Variants in RAB2A observed in about 807,000 individuals in gnomAD.
RAB2A encodes the protein RAB2A, member RAS oncogene family.
A neutral mutation model predicts 32.5 loss-of-function variants in RAB2A; 7 were observed. The ratio of observed to expected loss-of-function variants is 0.22; its 90% CI spans 0.12 to 0.40. The LOEUF is 0.40. Ranked by LOEUF, RAB2A falls within the 10% of genes least tolerant of loss-of-function variation. The pLI, the probability that RAB2A is intolerant of heterozygous loss-of-function variation, is 1.00. For missense variants in RAB2A, 108 were observed against 260.7 expected (o/e 0.41, Z 4.03); for synonymous variants, 79 against 85.2 (o/e 0.93, Z 0.40).
intron 1 of RAB2A, among the ~76,000 whole-genome samples, chr8:60,522,784 G>A (rs1807321285): frequency 6.6e-6 from 1 of 152,084 alleles, no homozygotes; most frequent in Admixed American, 6.6e-5. Flanking sequence ...GAGAAAAACA[G>A]AAGGAAGACC....
At position 60,588,282 on chromosome 8, in the gene RAB2A, C is replaced by CA. The variant is rs958619161; in HGVS notation, c.362+3475dup. 4.0e-5 allele frequency among the ~76,000 whole-genome samples: 6 copies of CA among 151,568 alleles called. No homozygotes were observed. In the South Asian group the frequency reaches 1.0e-3, roughly 26 times the overall value. The stretch of plus-strand genomic sequence containing the variant: ...TAGGCCACAGAGCAAGACCCTGTCT[C>CA]AAAAAAAAGAAATAAAGCACACATC... On this transcript the variant is annotated intron_variant, in intron 5 of 7. Transcript: ENST00000262646.
At chr8:60,617,263 T>C (rs1804462261) in intron 6 of RAB2A, among the ~76,000 whole-genome samples, 1 of 152,212 alleles carries the variant, frequency 6.6e-6, no homozygotes, top group Non-Finnish European at 1.5e-5. Flanking sequence ...GTCTACAGTA[T>C]TTCAACAGTA....
intron 5 of RAB2A, among the ~76,000 whole-genome samples, chr8:60,585,918 G>A (rs1326940697): frequency 1.3e-5 from 2 of 152,194 alleles, no homozygotes; most frequent in Non-Finnish European, 2.9e-5. Flanking sequence ...AATTATTTGC[G>A]TTTATTCCCA....
At chr8:60,518,717 G>GTT (rs1807254259) in intron 1 of RAB2A, among the ~76,000 whole-genome samples, 2 of 151,870 alleles carry the variant, frequency 1.3e-5, no homozygotes, top group Admixed American at 1.3e-4. Context: ...GTGTGTGTGT[G>GTT]GAAATTGGAT....
chr8:60,586,349 A>C (rs1325656039), intron 5 of RAB2A, among the ~76,000 whole-genome samples: 1 of 151,648 alleles, frequency 6.6e-6, no homozygotes, highest in African/African-American at 2.4e-5. Context: ...CTAGAATAAG[A>C]GCAAATCAAA....
chr8:60,604,961 TG>T (rs1475200146), intron 6 of RAB2A, among the ~76,000 whole-genome samples: 1 of 152,152 alleles, frequency 6.6e-6, no homozygotes, highest in African/African-American at 2.4e-5. Flanking sequence ...GCCATGACAA[TG>T]GGGAGAAGGC....
At chr8:60,556,892 A>AT (rs1807948064) in intron 1 of RAB2A, among the ~76,000 whole-genome samples, 1 of 151,966 alleles carries the variant, frequency 6.6e-6, no homozygotes, top group Non-Finnish European at 1.5e-5. Flanking sequence ...AACTATATAT[A>AT]TTTTTTCTAT....
At chr8:60,540,697 G>A (rs1006595887) in intron 1 of RAB2A, among the ~76,000 whole-genome samples, 2 of 152,204 alleles carry the variant, frequency 1.3e-5, no homozygotes, top group Admixed American at 1.3e-4. Context: ...GGCCAGGCTG[G>A]CCTGGAACTT....
chr8:60,553,991 A>G (rs1030241060), intron 1 of RAB2A, among the ~76,000 whole-genome samples: 1 of 152,216 alleles, frequency 6.6e-6, no homozygotes, highest in African/African-American at 2.4e-5. Context: ...TCAGGGGACA[A>G]TGGTTTGTTG....
At chr8:60,533,372 T>A (rs1807506241) in intron 1 of RAB2A, among the ~76,000 whole-genome samples, 1 of 152,192 alleles carries the variant, frequency 6.6e-6, no homozygotes, top group Middle Eastern at 3.2e-3. Context: ...GCTATAACAT[T>A]CATGACATTT....
At chr8:60,605,854 A>ATATATATATATATATATATAT (rs1563485040) in intron 6 of RAB2A, among the ~76,000 whole-genome samples, 3 of 77,592 alleles carry the variant, frequency 3.9e-5, no homozygotes, top group African/African-American at 3.7e-4. Flanking sequence ...TATATATATA[A>ATATATATATATATATATATAT]TGCTTCATTT....
intron 5 of RAB2A, among the ~76,000 whole-genome samples, chr8:60,590,392 A>T (rs1025487993): frequency 2.6e-5 from 4 of 151,284 alleles, no homozygotes; most frequent in Non-Finnish European, 5.9e-5. Flanking sequence ...AGTCCTAGCA[A>T]TTGGGAAGGC....
In RAB2A at chr8:60,517,170, G is replaced by A. The variant is rs1490841154; in HGVS notation, c.-38G>A. The stretch of plus-strand genomic sequence containing the variant: ...GCGCGGAGGAGGAGCAGCAGCGGGA[G>A]GAGGAGCCGTGTGCCCTGGCACTGA... On this transcript the variant is annotated 5_prime_UTR_variant, in exon 1 of 8. Transcript: ENST00000262646. The A allele has an allele frequency of 1.4e-6, 2 of 1,475,300 alleles. No individual in the cohort carries two copies. Among genetic ancestry groups the A allele is most frequent in the Non-Finnish European group, 1.8e-6 (2 of 1,110,300 alleles). The allele number at this position is 1,475,300 out of a possible 1,614,324, so 91.4% of individuals were successfully genotyped here.
chr8:60,590,275 T>A (rs903320426), intron 5 of RAB2A, among the ~76,000 whole-genome samples: 6 of 151,300 alleles, frequency 4.0e-5, no homozygotes, highest in Non-Finnish European at 5.9e-5. Flanking sequence ...TTTCTTTTTT[T>A]AAAAAAAAAT....
chr8:60,582,808 A>G (rs1803783687), intron 3 of RAB2A, among the ~76,000 whole-genome samples: 1 of 152,200 alleles, frequency 6.6e-6, no homozygotes, highest in Admixed American at 6.5e-5. Context: ...GCAGTAGGAT[A>G]TAAATAACTC....
chr8:60,534,259 G>A (rs1029997942), intron 1 of RAB2A, among the ~76,000 whole-genome samples: 7 of 152,078 alleles, frequency 4.6e-5, no homozygotes, highest in East Asian at 3.8e-4. Flanking sequence ...ATATGTTCTC[G>A]CGGTAATCTT....
intron 1 of RAB2A, chr8:60,552,475 C>G (rs1807869316): frequency 6.6e-6 from 1 of 152,142 alleles, no homozygotes; most frequent in African/African-American, 2.4e-5. Flanking sequence ...AAAAAATTCT[C>G]TATATTTTCT....
intron 1 of RAB2A, among the ~76,000 whole-genome samples, chr8:60,525,464 C>T (rs1010788534): frequency 6.6e-6 from 1 of 152,056 alleles, no homozygotes; most frequent in African/African-American, 2.4e-5. Flanking sequence ...AGTGTGAAAA[C>T]GAACGAATAC....
intron 6 of RAB2A, among the ~76,000 whole-genome samples, chr8:60,601,346 C>CTT (rs879734121): frequency 3.4e-5 from 5 of 147,300 alleles, no homozygotes; most frequent in Non-Finnish European, 6.0e-5. Context: ...TATTTTCTTT[C>CTT]TTTTTTTTTT....
Sources: allele counts gnomAD v4.1 joint callset (sites outside exome capture counted in the v4.1 genomes callset), GRCh38; gene constraint gnomAD v4.1.1; transcripts MANE v1.5; gene names NCBI Gene and HGNC (gene_info 2026-07-23, HGNC 2026-07-21).